Variants in ELP4 observed in about 807,000 individuals in gnomAD.
ELP4 encodes the protein elongator acetyltransferase complex subunit 4.
ELP4 carries 51 observed loss-of-function variants against 48.9 expected under a neutral mutation model. The ratio of observed to expected loss-of-function variants is 1.04; its 90% CI spans 0.83 to 1.32. The LOEUF is 1.32. ELP4 is among the 40% of genes most tolerant of loss of function. The pLI is 0.00. For missense variants in ELP4, 519 were observed against 514.6 expected (o/e 1.01, Z -0.08); for synonymous variants, 210 against 189.2 (o/e 1.11, Z -0.90).
chr11:31,623,388 T>TAA (rs1275144366), intron 5 of ELP4, among the ~76,000 whole-genome samples: 4,224 of 64,732 alleles, frequency 0.065, 279 homozygotes, highest in Admixed American at 0.13. Flanking sequence ...TATATATATA[T>TAA]ATAAAACTAG....
chr11:31,559,897 A>C (rs561720883), intron 3 of ELP4, among the ~76,000 whole-genome samples: 1 of 125,940 alleles, frequency 7.9e-6, no homozygotes, highest in African/African-American at 3.5e-5. Context: ...CAAGAGCAAA[A>C]CTCCGTCTAA....
rs1431533208 is a variant in ELP4 at position 31,790,114 on chromosome 11, A to C, written c.*6590A>C. On this transcript the variant is annotated 3_prime_UTR_variant, in exon 10 of 10. Transcript: ENST00000640961. ...TAGGTTTACAAAAAAAAAAAAAAAAAAAAAAACTAATACTTTCTAACATTT... is the reference window on the plus strand; with the variant it reads ...TAGGTTTACAAAAAAAAAAAAAAAACAAAAAACTAATACTTTCTAACATTT... 6 of 792,882 alleles carry C rather than the reference A, an allele frequency of 7.6e-6. No homozygotes were observed. Among genetic ancestry groups the C allele is most frequent in the South Asian group, 1.6e-5 (1 of 60,722 alleles). 49.1% of individuals were successfully genotyped at this position (792,882 alleles called of 1,614,324 possible). A position where few individuals can be genotyped will look rare whatever the true frequency, so the allele number is the denominator to read the frequency against.
intron 9 of ELP4, among the ~76,000 whole-genome samples, chr11:31,697,058 CAAAG>C (rs1487573183): frequency 1.3e-5 from 2 of 151,868 alleles, no homozygotes; most frequent in African/African-American, 2.4e-5. Context: ...TCAAAAGAGA[CAAAG>C]AAGGCCATTA....
At chr11:31,654,986 C>T (rs1360902887) in intron 9 of ELP4, 1 of 84,448 alleles carries the variant, frequency 1.2e-5, no homozygotes, top group African/African-American at 2.8e-5. Flanking sequence ...AGCTTTTATT[C>T]CTAGATAACA....
At chr11:31,538,590 C>T (rs1330078175) in intron 2 of ELP4, among the ~76,000 whole-genome samples, 1 of 150,818 alleles carries the variant, frequency 6.6e-6, no homozygotes, top group East Asian at 1.9e-4. Context: ...TATGATGATA[C>T]CTATAGGTTT....
chr11:31,789,440 G>A lies in ELP4; in HGVS notation c.*5916G>A. On this transcript the variant is annotated 3_prime_UTR_variant, in exon 10 of 10. Coordinates refer to ENST00000640961, the MANE Select transcript of ELP4 (RefSeq NM_019040.5). ...ATAAATCTAGTGCATGTTGTTCCAG[G>A]TTTAATTATATGCAAAGGAATGATA... 2 of 429,736 alleles carry A rather than the reference G, an allele frequency of 4.7e-6. No individual in the cohort carries two copies. Among genetic ancestry groups the A allele is most frequent in the East Asian group, 7.3e-5 (2 of 27,260 alleles). The allele number at this position is 429,736 out of a possible 1,614,324, so 26.6% of individuals were successfully genotyped here.
intron 9 of ELP4, among the ~76,000 whole-genome samples, chr11:31,780,141 A>G (rs1948338904): frequency 1.3e-5 from 2 of 152,174 alleles, no homozygotes; most frequent in Admixed American, 1.3e-4. Context: ...TTTTAAGTCT[A>G]AAGGAGGTCA....
intron 9 of ELP4, among the ~76,000 whole-genome samples, chr11:31,751,060 G>A (rs1247743488): frequency 2.0e-5 from 3 of 152,142 alleles, no homozygotes; most frequent in Non-Finnish European, 4.4e-5. Flanking sequence ...ATATCACCAA[G>A]TCCTAAACTT....
intron 9 of ELP4, among the ~76,000 whole-genome samples, chr11:31,781,567 C>T (rs372145210): frequency 3.0e-4 from 37 of 123,740 alleles, no homozygotes; most frequent in African/African-American, 9.6e-4. Context: ...GGCACGATCT[C>T]GGTTCACTGC....
intron 2 of ELP4, among the ~76,000 whole-genome samples, chr11:31,534,036 C>T (rs1158009835): frequency 1.3e-5 from 2 of 151,776 alleles, no homozygotes; most frequent in Non-Finnish European, 2.9e-5. Flanking sequence ...ACGGGTTTCA[C>T]CATGTTAGCC....
intron 9 of ELP4, among the ~76,000 whole-genome samples, chr11:31,782,667 GA>G (rs1211818467): frequency 1.3e-5 from 2 of 151,530 alleles, no homozygotes; most frequent in African/African-American, 4.8e-5. Context: ...TGTATCTGCA[GA>G]AAAACAGTTG....
chr11:31,693,002 T>A (rs1489182708), intron 9 of ELP4, among the ~76,000 whole-genome samples: 1 of 152,104 alleles, frequency 6.6e-6, no homozygotes, highest in Non-Finnish European at 1.5e-5. Flanking sequence ...AGACCACAAG[T>A]GTCTTGTTTA....
chr11:31,647,427 T>C (rs757884920), intron 7 of ELP4: 6 of 225,972 alleles, frequency 2.7e-5, no homozygotes, highest in Non-Finnish European at 5.3e-5. Flanking sequence ...AAAGGTAGTC[T>C]TGTTCCTTAA....
At chr11:31,563,916 G>T (rs1957062118) in intron 3 of ELP4, among the ~76,000 whole-genome samples, 2 of 152,170 alleles carry the variant, frequency 1.3e-5, no homozygotes, top group Admixed American at 6.5e-5. Flanking sequence ...TTTTGAAAGT[G>T]TAAGGGAGGA....
At chr11:31,678,198 G>A (rs1565107792) in intron 9 of ELP4, among the ~76,000 whole-genome samples, 5 of 152,070 alleles carry the variant, frequency 3.3e-5, no homozygotes, top group Admixed American at 1.3e-4. Context: ...TATAATCCCA[G>A]CACTTTGGGA....
At chr11:31,516,914 G>T (rs570327632) in intron 1 of ELP4, among the ~76,000 whole-genome samples, 5 of 152,136 alleles carry the variant, frequency 3.3e-5, no homozygotes, top group Non-Finnish European at 5.9e-5. Flanking sequence ...GAACCTGTCT[G>T]AATGTGAACT....
chr11:31,596,805 TTAAAA>T (rs1414023668), intron 4 of ELP4, among the ~76,000 whole-genome samples: 2 of 152,006 alleles, frequency 1.3e-5, no homozygotes, highest in Non-Finnish European at 2.9e-5. Flanking sequence ...TACAAATAAC[TTAAAA>T]TGAAAAAGGA....
chr11:31,752,923 G>T (rs1947758588), intron 9 of ELP4, among the ~76,000 whole-genome samples: 1 of 151,822 alleles, frequency 6.6e-6, no homozygotes, highest in Non-Finnish European at 1.5e-5. Flanking sequence ...ATTCAACAAG[G>T]TTGCCAGATT....
Position 31,783,573 on chromosome 11 carries a change from T to G in ELP4, c.*49T>G, listed in dbSNP as rs1309675647. The G allele has an allele frequency of 1.3e-6, 2 of 1,553,810 alleles. No homozygotes were observed. The highest frequency in any genetic ancestry group is 3.6e-5 in the Admixed American group (2 of 55,786). ...GCAGAATTCTATGACACTCTAATTA[T>G]GATTGCTAATAGCTTATGTAAATAT... On this transcript the variant is annotated 3_prime_UTR_variant, in exon 10 of 10. Transcript: ENST00000640961.
Sources: gnomAD v4.1 joint callset for allele counts (sites outside exome capture counted in the v4.1 genomes callset) on GRCh38, gnomAD v4.1.1 for gene constraint, MANE v1.5 for transcripts, NCBI Gene and HGNC (gene_info 2026-07-23, HGNC 2026-07-21) for gene names.